Variants in RIC8B observed in about 807,000 individuals in gnomAD.
The protein encoded by RIC8B is chaperone Ric-8B.
RIC8B carries 16 observed loss-of-function variants against 57.5 expected under a neutral mutation model. The ratio of observed to expected loss-of-function variants is 0.28; its 90% CI spans 0.19 to 0.42. The LOEUF is 0.42. Among genes scored for constraint, RIC8B ranks in the 10% least tolerant of loss-of-function variants. The probability of loss-of-function intolerance (pLI) is 1.00; values close to 1 mark genes in which losing one functional copy is unlikely to be tolerated. For synonymous variants in RIC8B, 216 were observed against 250.8 expected (o/e 0.86, Z 1.31); for missense variants, 481 against 677.0 (o/e 0.71, Z 3.21).
intron 4 of RIC8B, among the ~76,000 whole-genome samples, chr12:106,836,924 G>C (rs2046625899): frequency 6.6e-6 from 1 of 152,158 alleles, no homozygotes; most frequent in South Asian, 2.1e-4. Context: ...CTGTTCTTCA[G>C]ACATGCCACT....
At chr12:106,849,433 G>A in intron 6 of RIC8B, among the ~76,000 whole-genome samples, 1 of 149,996 alleles carries the variant, frequency 6.7e-6, no homozygotes, top group East Asian at 1.9e-4. Flanking sequence ...GATTACAGGT[G>A]TGAGCTACCA....
At chr12:106,783,433 C>T (rs2043855808) in intron 1 of RIC8B, among the ~76,000 whole-genome samples, 1 of 152,166 alleles carries the variant, frequency 6.6e-6, no homozygotes, top group African/African-American at 2.4e-5. Context: ...ATCAAACCAT[C>T]AAGTCTTCCC....
intron 8 of RIC8B, among the ~76,000 whole-genome samples, chr12:106,868,844 C>T (rs1229979938): frequency 2.1e-5 from 3 of 141,976 alleles, no homozygotes; most frequent in Non-Finnish European, 4.6e-5. Flanking sequence ...AGGTGAGGCC[C>T]AAGCTTTTTT....
chr12:106,879,701 C>T lies in RIC8B; in HGVS notation c.1572-6203C>T. The T allele has an allele frequency of 6.1e-6, 6 of 985,382 alleles. No individual in the cohort carries two copies. Among genetic ancestry groups the T allele is most frequent in the Non-Finnish European group, 7.2e-6 (6 of 829,924 alleles). 61.0% of individuals were successfully genotyped at this position (985,382 alleles called of 1,614,324 possible). ...ACGTGCTTTATCTGTGTCCTCTTGCCTGGCCAAGCCCTTGTAGATTATGGT... is the reference window on the plus strand; with the variant it reads ...ACGTGCTTTATCTGTGTCCTCTTGCTTGGCCAAGCCCTTGTAGATTATGGT... On this transcript the variant is annotated intron_variant, in intron 9 of 9. Transcript: ENST00000392837. The surrounding 1 kb of genome is among the most constrained non-coding windows in gnomAD (Gnocchi z 4.9).
At chr12:106,795,078 A>C (rs1415843983) in intron 2 of RIC8B, among the ~76,000 whole-genome samples, 1 of 152,240 alleles carries the variant, frequency 6.6e-6, no homozygotes, top group Non-Finnish European at 1.5e-5. Context: ...CACAAGAACA[A>C]ATCAAGAAAA....
chr12:106,881,254 A>T (rs1824448636), intron 9 of RIC8B, among the ~76,000 whole-genome samples: 1 of 151,830 alleles, frequency 6.6e-6, no homozygotes, highest in South Asian at 2.1e-4. Flanking sequence ...AAACAAGAAT[A>T]CCTTTGTACT....
At chr12:106,878,737 T>C (rs556861244) in intron 9 of RIC8B, among the ~76,000 whole-genome samples, 2 of 152,240 alleles carry the variant, frequency 1.3e-5, no homozygotes, top group South Asian at 4.1e-4. Context: ...AAAACAAGTA[T>C]GTAACAGAAC....
chr12:106,888,046 G>T lies in RIC8B; in HGVS notation c.*2031G>T, dbSNP rs541167197. On this transcript the variant is annotated 3_prime_UTR_variant, in exon 10 of 10. Coordinates refer to ENST00000392837, the MANE Select transcript of RIC8B (RefSeq NM_001330145.2). ...GTTTAGAAAAAATTTAAGTATTTTT[G>T]TTATTCTACAAATGCATTTTTAAAG... 4 of 152,716 alleles carry T rather than the reference G, an allele frequency of 2.6e-5. No homozygotes were observed. Among genetic ancestry groups the T allele is most frequent in the African/African-American group, 9.6e-5 (4 of 41,564 alleles). 9.5% of individuals were successfully genotyped at this position (152,716 alleles called of 1,614,324 possible).
At chr12:106,844,537 A>C (rs138513523) in intron 6 of RIC8B, among the ~76,000 whole-genome samples, 7 of 152,330 alleles carry the variant, frequency 4.6e-5, no homozygotes, top group Non-Finnish European at 8.8e-5. Flanking sequence ...AGCCAGATAC[A>C]GCAGGCGGTG....
intron 8 of RIC8B, among the ~76,000 whole-genome samples, chr12:106,864,037 G>C (rs1447319456): frequency 2.0e-5 from 3 of 152,040 alleles, no homozygotes; most frequent in Non-Finnish European, 4.4e-5. Flanking sequence ...GTAAATGAAA[G>C]AATGACACCA....
chr12:106,844,835 A>C (rs1331315622), intron 6 of RIC8B, among the ~76,000 whole-genome samples: 1 of 152,232 alleles, frequency 6.6e-6, no homozygotes, highest in Non-Finnish European at 1.5e-5. Flanking sequence ...GTATGGGTTG[A>C]AAAAGAAAAA....
At chr12:106,780,280 T>A (rs1000441811) in intron 1 of RIC8B, among the ~76,000 whole-genome samples, 4 of 151,884 alleles carry the variant, frequency 2.6e-5, no homozygotes, top group African/African-American at 9.7e-5. Flanking sequence ...ACATAGCAAA[T>A]TCCAGCAGCA....
intron 2 of RIC8B, among the ~76,000 whole-genome samples, chr12:106,784,756 T>C (rs1243198053): frequency 6.6e-6 from 1 of 152,234 alleles, no homozygotes; most frequent in Non-Finnish European, 1.5e-5. Context: ...AGTGTAAATC[T>C]ATCACTGCTG....
intron 6 of RIC8B, 62 bp downstream of exon 6, chr12:106,844,009 A>T: frequency 9.2e-7 from 1 of 1,087,544 alleles, no homozygotes. Flanking sequence ...TTAAACATAG[A>T]ATTAATTGAA....
chr12:106,815,411 C>T, intron 3 of RIC8B, 107 bp downstream of exon 3: 1 of 1,136,572 alleles, frequency 8.8e-7, no homozygotes, highest in East Asian at 2.4e-5. Flanking sequence ...GAAAAAGTTC[C>T]CACTTCTCCC....
chr12:106,836,986 C>T (rs1339158081), intron 4 of RIC8B, among the ~76,000 whole-genome samples: 1 of 152,202 alleles, frequency 6.6e-6, no homozygotes, highest in Non-Finnish European at 1.5e-5. Flanking sequence ...ATGCTCCTTC[C>T]TCAGTCACAT....
At chr12:106,818,328 G>A (rs1298551806) in intron 3 of RIC8B, among the ~76,000 whole-genome samples, 2 of 152,092 alleles carry the variant, frequency 1.3e-5, no homozygotes, top group East Asian at 3.9e-4. Flanking sequence ...CACCATGCCT[G>A]GCTAATTTTG....
intron 7 of RIC8B, among the ~76,000 whole-genome samples, chr12:106,859,002 A>G (rs1310305145): frequency 6.6e-6 from 1 of 151,942 alleles, no homozygotes. Flanking sequence ...AGTCATTTTA[A>G]TTACCTTTTT....
At chr12:106,818,750 T>C (rs2045703311) in intron 3 of RIC8B, among the ~76,000 whole-genome samples, 1 of 152,086 alleles carries the variant, frequency 6.6e-6, no homozygotes, top group African/African-American at 2.4e-5. Flanking sequence ...CACCAAGCAC[T>C]ATTTGCCTTT....
Sources: allele counts gnomAD v4.1 joint callset (sites outside exome capture counted in the v4.1 genomes callset), GRCh38; gene constraint gnomAD v4.1.1; non-coding constraint Gnocchi (gnomAD v3.1); transcripts MANE v1.5; gene names NCBI Gene and HGNC (gene_info 2026-07-23, HGNC 2026-07-21).